DLGAP1: variants seen among roughly 807,000 people sequenced by gnomAD.
DLGAP1 encodes the protein disks large-associated protein 1.
In DLGAP1, 11 loss-of-function variants were observed where a neutral mutation model predicts 90.8. The observed-to-expected ratio is 0.12, with a 90% CI of 0.08 to 0.20. DLGAP1 has a LOEUF of 0.20. Ranked by LOEUF, DLGAP1 falls within the 10% of genes least tolerant of loss-of-function variation. DLGAP1 has a pLI of 1.00. For missense variants in DLGAP1, 1,050 were observed against 1,333.8 expected (o/e 0.79, Z 3.31); for synonymous variants, 558 against 540.7 (o/e 1.03, Z -0.44).
chr18:3,951,713 C>G (rs1009991107), intron 3 of DLGAP1, among the ~76,000 whole-genome samples: 3 of 152,124 alleles, frequency 2.0e-5, no homozygotes, highest in Non-Finnish European at 4.4e-5. Context: ...GCGGTTCCCC[C>G]ATGCTGTTCT....
At chr18:3,763,280 C>T (rs190215854) in intron 5 of DLGAP1, among the ~76,000 whole-genome samples, 38 of 152,278 alleles carry the variant, frequency 2.5e-4, no homozygotes, top group Admixed American at 2.3e-3. Context: ...CCTTGAACAT[C>T]GGCCTCCAGA....
intron 5 of DLGAP1, among the ~76,000 whole-genome samples, chr18:3,753,413 A>C (rs1179345047): frequency 6.6e-6 from 1 of 152,116 alleles, no homozygotes; most frequent in African/African-American, 2.4e-5. Context: ...GAAAGCCTGG[A>C]TCCCAGGGCA....
chr18:4,261,173 GGA>G (rs935296113), intron 1 of DLGAP1, among the ~76,000 whole-genome samples: 1 of 152,124 alleles, frequency 6.6e-6, no homozygotes, highest in Admixed American at 6.5e-5. Flanking sequence ...ATGTCACAGA[GGA>G]GAGAGAGAAA....
intron 2 of DLGAP1, among the ~76,000 whole-genome samples, chr18:4,105,753 G>A (rs533925746): frequency 1.3e-5 from 2 of 152,248 alleles, no homozygotes; most frequent in East Asian, 3.9e-4. Context: ...TAATTAGGCC[G>A]GGCGCGGTGG....
chr18:3,896,570 A>T (rs767240987), intron 3 of DLGAP1: 1 of 152,248 alleles, frequency 6.6e-6, no homozygotes, highest in Non-Finnish European at 1.5e-5. Flanking sequence ...TGGCCCTGAG[A>T]TCATGTTCAT....
chr18:3,760,831 G>C (rs866521909), intron 5 of DLGAP1, among the ~76,000 whole-genome samples: 1 of 151,974 alleles, frequency 6.6e-6, no homozygotes, highest in African/African-American at 2.4e-5. Flanking sequence ...GATTTTCTGT[G>C]GGGGGTGGTT....
chr18:3,874,309 C>G (rs1453835601), intron 4 of DLGAP1: 63 of 1,542,258 alleles, frequency 4.1e-5, no homozygotes, highest in Non-Finnish European at 5.3e-5. Flanking sequence ...CTCTGTCTCT[C>G]TCTCTCCACT....
intron 1 of DLGAP1, among the ~76,000 whole-genome samples, chr18:4,354,412 C>T (rs1409773562): frequency 6.6e-6 from 1 of 152,180 alleles, no homozygotes; most frequent in South Asian, 2.1e-4. Flanking sequence ...CCAGAAGAAT[C>T]TGGACACGCC....
intron 12 of DLGAP1, among the ~76,000 whole-genome samples, chr18:3,500,285 A>T (rs980832990): frequency 5.9e-5 from 9 of 152,224 alleles, no homozygotes; most frequent in Non-Finnish European, 1.3e-4. Context: ...AAAATGCAGC[A>T]GGAAAGAATG....
At chr18:3,737,679 C>CA (rs2062709863) in intron 6 of DLGAP1, among the ~76,000 whole-genome samples, 1 of 126,926 alleles carries the variant, frequency 7.9e-6, no homozygotes, top group African/African-American at 3.1e-5. Flanking sequence ...ACTGAATGGG[C>CA]AAAAACTGGA....
chr18:3,952,374 G>A (rs2073004402), intron 3 of DLGAP1, among the ~76,000 whole-genome samples: 1 of 152,184 alleles, frequency 6.6e-6, no homozygotes, highest in Non-Finnish European at 1.5e-5. Flanking sequence ...CTCTTGGGGG[G>A]AGGATTCCCA....
chr18:3,823,759 GGCC>G (rs1216489664), intron 4 of DLGAP1, among the ~76,000 whole-genome samples: 1 of 151,872 alleles, frequency 6.6e-6, no homozygotes, highest in African/African-American at 2.4e-5. Context: ...AGACCAGCCT[GGCC>G]AACATGGTAA....
At chr18:3,939,044 G>A (rs940339620) in intron 3 of DLGAP1, among the ~76,000 whole-genome samples, 12 of 152,134 alleles carry the variant, frequency 7.9e-5, no homozygotes, top group African/African-American at 1.4e-4. Context: ...GAATAGACAG[G>A]GAAGAGGTGG....
chr18:4,303,505 T>C (rs550489721), intron 1 of DLGAP1, among the ~76,000 whole-genome samples: 1 of 152,316 alleles, frequency 6.6e-6, no homozygotes, highest in East Asian at 1.9e-4. Context: ...CCTAGGATGC[T>C]AGTCCCCAAG....
intron 9 of DLGAP1, among the ~76,000 whole-genome samples, chr18:3,566,194 G>T (rs1336494569): frequency 6.6e-6 from 1 of 151,864 alleles, no homozygotes; most frequent in Non-Finnish European, 1.5e-5. Context: ...ACCTTTCATT[G>T]AGTAATTTAA....
chr18:4,259,121 AGCACTCCTAGCAATCATTC>A (rs1285761110), intron 1 of DLGAP1, among the ~76,000 whole-genome samples: 34 of 152,208 alleles, frequency 2.2e-4, no homozygotes, highest in African/African-American at 7.7e-4. Context: ...AATGGATTGA[AGCACTCCTAGCAATCATTC>A]ACCCTCCAGA....
chr18:4,163,869 T>A (rs1350803422), intron 1 of DLGAP1, among the ~76,000 whole-genome samples: 1 of 152,184 alleles, frequency 6.6e-6, no homozygotes, highest in East Asian at 1.9e-4. Context: ...TATTCAAATT[T>A]CCCTTCATTA....
intron 7 of DLGAP1, among the ~76,000 whole-genome samples, chr18:3,628,129 G>A (rs368601100): frequency 2.6e-5 from 4 of 151,012 alleles, no homozygotes; most frequent in Non-Finnish European, 5.9e-5. Context: ...ACCCGCCTTG[G>A]CCTCCCAAAG....
intron 7 of DLGAP1, among the ~76,000 whole-genome samples, chr18:3,724,612 G>T (rs1173080139): frequency 6.6e-6 from 1 of 152,068 alleles, no homozygotes; most frequent in African/African-American, 2.4e-5. Context: ...GGGTGTGGTG[G>T]CATGTGCCTG....
Sources: gnomAD v4.1 joint callset for allele counts (sites outside exome capture counted in the v4.1 genomes callset) on GRCh38, gnomAD v4.1.1 for gene constraint, MANE v1.5 for transcripts, NCBI Gene and HGNC (gene_info 2026-07-23, HGNC 2026-07-21) for gene names.